The following EPHX2 variants were observed in gnomAD, a reference collection of about 807,000 sequenced individuals.
EPHX2 encodes epoxide hydrolase 2.
EPHX2 carries 74 observed loss-of-function variants against 78.7 expected under a neutral mutation model. That is an observed-to-expected ratio of 0.94 (90% CI 0.78 to 1.14). The LOEUF (loss-of-function observed/expected upper bound fraction) is 1.14. EPHX2 is among the 50% of genes most tolerant of loss of function. EPHX2 has a pLI of 0.00. For synonymous variants in EPHX2, 251 were observed against 255.2 expected (o/e 0.98, Z 0.16); for missense variants, 715 against 702.5 (o/e 1.02, Z -0.20).
In EPHX2 at chr8:27,516,306, TG is replaced by T. The variant is rs780976187; in HGVS notation, c.832-13del. ...TGATGGGACCATGCTGGAGTGTGCC[TG>T]TTTGTTTTCTAGATCCCTGCTCTGG... On this transcript the variant is annotated splice_polypyrimidine_tract_variant and intron_variant, in intron 7 of 18. Transcript: ENST00000521400. 17 of 1,612,886 alleles carry T rather than the reference TG, an allele frequency of 1.1e-5. No homozygotes were observed. Among genetic ancestry groups the T allele is most frequent in the Non-Finnish European group, 1.4e-5 (17 of 1,179,048 alleles).
rs753247698 is a variant in EPHX2 at position 27,491,232 on chromosome 8, C to A, written c.24C>A (p.Phe8Leu). 6.3e-7 allele frequency: 1 copy of A among 1,585,040 alleles called. No individual in the cohort carries two copies. The highest frequency in any genetic ancestry group is 8.5e-7 in the Non-Finnish European group (1 of 1,174,260). The change falls in exon 1 of 19, where the codon TTC becomes TTA. Residue 8 changes from phenylalanine to leucine, a missense_variant. Coordinates refer to ENST00000521400, the MANE Select transcript of EPHX2 (RefSeq NM_001979.6). Reference sequence around the variant, plus strand: ...CCATGACGCTGCGCGCGGCCGTCTTCGACCTTGACGGGGTGCTGGCGCTGC... The same window carrying A: ...CCATGACGCTGCGCGCGGCCGTCTTAGACCTTGACGGGGTGCTGGCGCTGC... MTLRAAV[F>L]DLDGVLALPA... is the part of the protein sequence containing the mutation.
chr8:27,496,267 A>G (rs1210549205), intron 1 of EPHX2, among the ~76,000 whole-genome samples: 1 of 152,196 alleles, frequency 6.6e-6, no homozygotes, highest in Non-Finnish European at 1.5e-5. Flanking sequence ...ACTGGTAACC[A>G]TAAGTAAATC....
chr8:27,531,500 C>A (rs1044414307), intron 12 of EPHX2, among the ~76,000 whole-genome samples: 3 of 152,234 alleles, frequency 2.0e-5, no homozygotes, highest in South Asian at 4.1e-4. Flanking sequence ...CCCACTGTTT[C>A]TCTTGGCCTG....
At chr8:27,501,174 A>G (rs1330186063) in intron 2 of EPHX2, among the ~76,000 whole-genome samples, 164 bp downstream of exon 2, 1 of 152,242 alleles carries the variant, frequency 6.6e-6, no homozygotes, top group Admixed American at 6.5e-5. Context: ...ACCTTAAAAC[A>G]TACTTGCTAA....
At chr8:27,510,137 C>T (rs151085364) in intron 5 of EPHX2, among the ~76,000 whole-genome samples, 30 of 152,258 alleles carry the variant, frequency 2.0e-4, no homozygotes, top group African/African-American at 6.7e-4. Flanking sequence ...GCAGAGTCTT[C>T]CATAGTTATA....
chr8:27,540,709 A>G (rs1815371211), intron 15 of EPHX2, 53 bp downstream of exon 15: 3 of 1,555,094 alleles, frequency 1.9e-6, no homozygotes, highest in Admixed American at 1.7e-5. Context: ...ACAGATAGGG[A>G]TCTTCAGCCC....
rs920010673 is a variant in EPHX2 at position 27,530,772 on chromosome 8, T to C, written c.1170+5299T>C. On this transcript the variant is annotated intron_variant, in intron 12 of 18. Transcript: ENST00000521400. ...TACTTTAATTTTTTTCTTTTTTTTT[T>C]TTTTTTTTGAGATGGAGTTTCGCTC... is the stretch of plus-strand genomic sequence containing the variant. Among the ~76,000 whole-genome samples, 154 of 150,334 alleles carry C rather than the reference T, an allele frequency of 1.0e-3. 1 individual carries two copies. The highest frequency in any genetic ancestry group is 3.3e-3 in the African/African-American group (135 of 40,930).
At chr8:27,513,375 G>T (rs1055292508) in intron 6 of EPHX2, among the ~76,000 whole-genome samples, 13 of 152,172 alleles carry the variant, frequency 8.5e-5, no homozygotes, top group African/African-American at 3.1e-4. Context: ...TTTCGCCCAG[G>T]GCTGGGGGCT....
chr8:27,542,952 A>C (rs1266522087), intron 16 of EPHX2, among the ~76,000 whole-genome samples: 1 of 151,634 alleles, frequency 6.6e-6, no homozygotes, highest in Non-Finnish European at 1.5e-5. Flanking sequence ...TCTCTTCTGC[A>C]GTTTCCAGCT....
At chr8:27,501,394 T>TTCC (rs376633107) in intron 2 of EPHX2, among the ~76,000 whole-genome samples, 2 of 73,126 alleles carry the variant, frequency 2.7e-5, no homozygotes, top group South Asian at 4.9e-4. Flanking sequence ...CTTCTTCTTC[T>TTCC]TTCTTCTTTC....
At chr8:27,503,491 G>A (rs2132720479) in intron 2 of EPHX2, 113 bp from the exon 3 acceptor site, 2 of 1,215,512 alleles carry the variant, frequency 1.6e-6, no homozygotes, top group Non-Finnish European at 2.3e-6. Flanking sequence ...GTGGGTATGT[G>A]TCCAGGAGTG....
chr8:27,498,251 C>T (rs189300905), intron 1 of EPHX2, among the ~76,000 whole-genome samples: 32 of 152,190 alleles, frequency 2.1e-4, no homozygotes, highest in Admixed American at 5.2e-4. Context: ...ACCGATAGCC[C>T]GGGGGTTTTA....
chr8:27,500,943 C>A lies in EPHX2; in HGVS notation c.119C>A (p.Ala40Asp). ...TTTTCCAGAGGACTTCTGAATGATG[C>A]TTTCCAGAAAGGGGGACCAGAGGGT... ...LALPRGLLND[A>D]FQKGGPEGAT... Residue 40 changes from alanine to aspartate, a missense_variant, in exon 2 of 19, where the codon GCT (alanine) becomes GAT (aspartate). Physicochemically the swap from Ala to Asp is moderately radical, Grantham distance 126. Coordinates refer to ENST00000521400, the MANE Select transcript of EPHX2 (RefSeq NM_001979.6). 6 of 1,613,206 alleles carry A rather than the reference C, an allele frequency of 3.7e-6. No homozygotes were observed. Among genetic ancestry groups the A allele is most frequent in the Non-Finnish European group, 5.1e-6 (6 of 1,179,612 alleles).
intron 2 of EPHX2, among the ~76,000 whole-genome samples, chr8:27,502,667 G>GA (rs1288438183): frequency 6.6e-6 from 1 of 151,992 alleles, no homozygotes; most frequent in Non-Finnish European, 1.5e-5. Context: ...AGAGACAGGG[G>GA]AAAAAAAGCA....
chr8:27,537,781 G>A (rs918413578), intron 13 of EPHX2, among the ~76,000 whole-genome samples: 6 of 151,348 alleles, frequency 4.0e-5, no homozygotes, highest in Non-Finnish European at 7.4e-5. Context: ...TCTCCCTCTC[G>A]CAAACTCTGT....
At chr8:27,535,264 C>A (rs1815175240) in intron 12 of EPHX2, among the ~76,000 whole-genome samples, 1 of 152,118 alleles carries the variant, frequency 6.6e-6, no homozygotes, top group Non-Finnish European at 1.5e-5. Context: ...GTGACCTCTG[C>A]CTCCCGGGTC....
At chr8:27,546,606 A>G (rs1367609775), downstream of EPHX2, among the ~76,000 whole-genome samples, 1 of 152,162 alleles carries the variant, frequency 6.6e-6, no homozygotes, top group Non-Finnish European at 1.5e-5. Flanking sequence ...CAAAACCTAA[A>G]AGCGTCCTTT....
intron 12 of EPHX2, among the ~76,000 whole-genome samples, chr8:27,536,265 A>G (rs781149250): frequency 6.6e-6 from 1 of 152,214 alleles, no homozygotes; most frequent in Non-Finnish European, 1.5e-5. Flanking sequence ...ACAGCAAAAA[A>G]AAAATTGTTT....
intron 6 of EPHX2, chr8:27,512,147 G>C (rs1442506314): frequency 2.0e-6 from 1 of 490,374 alleles, no homozygotes; most frequent in Non-Finnish European, 3.7e-6. Flanking sequence ...GTTAAATATC[G>C]AGGGTGGTTG....
Sources: gnomAD v4.1 joint callset for allele counts (sites outside exome capture counted in the v4.1 genomes callset) on GRCh38, gnomAD v4.1.1 for gene constraint, MANE v1.5 for transcripts, NCBI Gene and HGNC (gene_info 2026-07-23, HGNC 2026-07-21) for gene names.